Variants in SGCZ observed in about 807,000 individuals in gnomAD.
The protein encoded by SGCZ is zeta-sarcoglycan.
In SGCZ, 40 loss-of-function variants were observed where a neutral mutation model predicts 41.3. That is an observed-to-expected ratio of 0.97 (90% CI 0.75 to 1.26). The LOEUF (loss-of-function observed/expected upper bound fraction) is 1.26, where lower values mean the gene tolerates loss of function less well. Ranked by LOEUF, SGCZ falls within the 50% of genes most tolerant of loss-of-function variation. The pLI, the probability that SGCZ is intolerant of heterozygous loss-of-function variation, is 0.00. For missense variants in SGCZ, 552 were observed against 369.8 expected (o/e 1.49, Z -4.04); for synonymous variants, 206 against 137.5 (o/e 1.50, Z -3.49).
intron 3 of SGCZ, among the ~76,000 whole-genome samples, chr8:14,274,616 T>C (rs1260063152): frequency 6.6e-6 from 1 of 152,124 alleles, no homozygotes; most frequent in Non-Finnish European, 1.5e-5. Context: ...CAAAACTTAG[T>C]CCAGATACGA....
intron 2 of SGCZ, among the ~76,000 whole-genome samples, chr8:14,476,110 G>A (rs1345401695): frequency 6.6e-6 from 1 of 152,086 alleles, no homozygotes; most frequent in Non-Finnish European, 1.5e-5. Context: ...TTATTCTTAT[G>A]AGTCAACTTG....
intron 1 of SGCZ, among the ~76,000 whole-genome samples, chr8:14,581,995 TGAGA>T (rs1334405574): frequency 2.6e-5 from 4 of 152,256 alleles, no homozygotes; most frequent in South Asian, 2.1e-4. Flanking sequence ...CTGCTACTGC[TGAGA>T]AAGAAAGACA....
At chr8:14,235,646 T>A (rs1393686605) in intron 4 of SGCZ, among the ~76,000 whole-genome samples, 1 of 152,160 alleles carries the variant, frequency 6.6e-6, no homozygotes, top group African/African-American at 2.4e-5. Flanking sequence ...AAGTAGCTAT[T>A]GTGTCTGACA....
chr8:14,157,448 C>T (rs1389756989), intron 5 of SGCZ, among the ~76,000 whole-genome samples: 2 of 149,972 alleles, frequency 1.3e-5, no homozygotes, highest in African/African-American at 4.9e-5. Flanking sequence ...TTTGACATGT[C>T]CCCATCATTG....
intron 5 of SGCZ, among the ~76,000 whole-genome samples, chr8:14,144,951 C>T (rs1268888713): frequency 1.3e-5 from 2 of 152,172 alleles, no homozygotes; most frequent in African/African-American, 4.8e-5. Context: ...TGATTGCCAG[C>T]TCAGCCACAG....
intron 1 of SGCZ, among the ~76,000 whole-genome samples, chr8:14,555,704 T>C (rs1804014777): frequency 1.3e-5 from 2 of 152,162 alleles, no homozygotes; most frequent in South Asian, 2.1e-4. Flanking sequence ...AGAGACTGAG[T>C]CTACCACAAG....
intron 1 of SGCZ, among the ~76,000 whole-genome samples, chr8:14,629,538 A>T (rs940524614): frequency 6.6e-6 from 1 of 151,236 alleles, no homozygotes; most frequent in Non-Finnish European, 1.5e-5. Flanking sequence ...GATATCGGGA[A>T]GTAAATAGTC....
intron 3 of SGCZ, among the ~76,000 whole-genome samples, chr8:14,250,780 C>G (rs1208288230): frequency 2.0e-5 from 3 of 152,174 alleles, no homozygotes; most frequent in African/African-American, 2.4e-5. Flanking sequence ...CCCAGCGCTC[C>G]TATGCACCCA....
chr8:14,840,781 A>G (rs963647516), intron 1 of SGCZ, among the ~76,000 whole-genome samples: 2 of 152,112 alleles, frequency 1.3e-5, no homozygotes, highest in African/African-American at 4.8e-5. Context: ...ATTAGACAGC[A>G]TCTACTCTTT....
intron 1 of SGCZ, among the ~76,000 whole-genome samples, chr8:14,703,422 T>A (rs1319320342): frequency 1.3e-5 from 2 of 151,952 alleles, no homozygotes; most frequent in African/African-American, 4.8e-5. Context: ...CCTACTCATG[T>A]GTCAGACCAT....
intron 1 of SGCZ, among the ~76,000 whole-genome samples, chr8:15,108,689 T>C (rs1233534228): frequency 2.0e-5 from 3 of 152,150 alleles, no homozygotes; most frequent in Non-Finnish European, 4.4e-5. Flanking sequence ...GATTCCACAG[T>C]GTTCACTCTA....
chr8:14,819,732 G>C (rs768906996), intron 1 of SGCZ, among the ~76,000 whole-genome samples: 1 of 152,132 alleles, frequency 6.6e-6, no homozygotes, highest in Non-Finnish European at 1.5e-5. Flanking sequence ...ATTCATTGTA[G>C]AGAAGAGGGA....
intron 4 of SGCZ, among the ~76,000 whole-genome samples, chr8:14,200,598 G>C (rs1207602016): frequency 6.6e-6 from 1 of 152,038 alleles, no homozygotes; most frequent in African/African-American, 2.4e-5. Flanking sequence ...CAATTTAAAA[G>C]AGGTGTTTTT....
At chr8:14,417,563 T>C (rs1482344944) in intron 2 of SGCZ, among the ~76,000 whole-genome samples, 1 of 151,856 alleles carries the variant, frequency 6.6e-6, no homozygotes, top group Non-Finnish European at 1.5e-5. Flanking sequence ...CCCCCCTTAA[T>C]TTCGTTTCTT....
At chr8:14,124,904 GCTGACC>G (rs1802804999) in intron 5 of SGCZ, among the ~76,000 whole-genome samples, 1 of 151,756 alleles carries the variant, frequency 6.6e-6, no homozygotes, top group Admixed American at 6.6e-5. Flanking sequence ...TAGAAATGAA[GCTGACC>G]AAAAGTTCCT....
At chr8:14,197,344 T>C (rs1805298418) in intron 4 of SGCZ, among the ~76,000 whole-genome samples, 1 of 152,030 alleles carries the variant, frequency 6.6e-6, no homozygotes, top group Non-Finnish European at 1.5e-5. Flanking sequence ...AACAAGAAGG[T>C]AGAACAATAT....
intron 1 of SGCZ, among the ~76,000 whole-genome samples, chr8:14,653,929 A>T (rs1807480177): frequency 6.6e-6 from 1 of 152,154 alleles, no homozygotes; most frequent in Non-Finnish European, 1.5e-5. Flanking sequence ...GCATTTCACC[A>T]ATTAAAAGAC....
intron 1 of SGCZ, among the ~76,000 whole-genome samples, chr8:14,725,861 G>A (rs1810030589): frequency 6.6e-6 from 1 of 152,070 alleles, no homozygotes; most frequent in Admixed American, 6.5e-5. Context: ...CTTAAAGATG[G>A]AAAGGCGATT....
chr8:14,298,310 C>T (rs557918631), intron 3 of SGCZ, among the ~76,000 whole-genome samples: 2 of 151,800 alleles, frequency 1.3e-5, no homozygotes. Flanking sequence ...ATAAAGATAT[C>T]TTCTCTTGTC....
Sources: gnomAD v4.1 joint callset for allele counts (sites outside exome capture counted in the v4.1 genomes callset) on GRCh38, gnomAD v4.1.1 for gene constraint, MANE v1.5 for transcripts, NCBI Gene and HGNC (gene_info 2026-07-23, HGNC 2026-07-21) for gene names.